The following TMPRSS13 variants were observed in gnomAD, a reference collection of about 807,000 sequenced individuals.
The protein encoded by TMPRSS13 is transmembrane serine protease 13.
Under a neutral mutation model 68.4 loss-of-function variants are expected in TMPRSS13, and 50 were observed. The observed-to-expected ratio is 0.73, with a 90% CI of 0.58 to 0.93. The LOEUF (loss-of-function observed/expected upper bound fraction) is 0.93. TMPRSS13 is among the 40% of genes least tolerant of loss of function. TMPRSS13 has a pLI of 0.00. For synonymous variants in TMPRSS13, 267 were observed against 285.8 expected (o/e 0.93, Z 0.66); for missense variants, 615 against 729.2 (o/e 0.84, Z 1.80).
intron 1 of TMPRSS13, 67 bp from the exon 2 acceptor site, chr11:117,918,905 G>A: frequency 6.3e-7 from 1 of 1,591,908 alleles, no homozygotes. Flanking sequence ...TGTCAGCTGT[G>A]CTGCACTAGG....
In TMPRSS13 at chr11:117,903,285, C is replaced by T. The variant is rs1010844855; in HGVS notation, c.1677+370G>A. Reference sequence around the variant, plus strand: ...GGGAAAGGCCATGAAGAGCGGATTCCCATGCATAAATGCTTGATAACAAAA... The same window carrying T: ...GGGAAAGGCCATGAAGAGCGGATTCTCATGCATAAATGCTTGATAACAAAA... On this transcript the variant is annotated intron_variant, in intron 12 of 12. Coordinates refer to ENST00000524993, the MANE Select transcript of TMPRSS13 (RefSeq NM_001077263.3). 130 of 1,284,924 alleles carry T rather than the reference C, an allele frequency of 1.0e-4. 1 individual carries two copies. The African/African-American group carries it at 1.9e-3, about 19-fold the overall frequency. 79.6% of individuals were successfully genotyped at this position (1,284,924 alleles called of 1,614,324 possible). A position where few individuals can be genotyped will look rare whatever the true frequency, so the allele number is the denominator to read the frequency against.
rs1169111157 is a variant in TMPRSS13, at chr11:117,922,567, A to AC, written c.22-3730dup. 3.3e-5 allele frequency among the ~76,000 whole-genome samples: 5 copies of AC among 152,192 alleles called. No individual in the cohort carries two copies. The highest frequency in any genetic ancestry group is 1.3e-4 in the Admixed American group (2 of 15,288). The stretch of plus-strand genomic sequence containing the variant: ...AAGGTCCCAAGCTACAAGGGGCAGA[A>AC]CCAGGACCAGAACCCAAGCTTCCCA... On this transcript the variant is annotated intron_variant, in intron 1 of 12. Coordinates refer to ENST00000524993, the MANE Select transcript of TMPRSS13 (RefSeq NM_001077263.3). This position sits in a 1 kb window ranked among gnomAD's most constrained non-coding sequence, Gnocchi z 4.2.
At chr11:117,908,177 T>C (rs1349425437) in intron 9 of TMPRSS13, 1 of 637,118 alleles carries the variant, frequency 1.6e-6, no homozygotes, top group Non-Finnish European at 2.2e-6. Flanking sequence ...CAGGTAATTA[T>C]CTCTCTGTAA....
chr11:117,924,109 T>C lies in TMPRSS13; in HGVS notation c.21+5178A>G, dbSNP rs369958474. Among the ~76,000 whole-genome samples, 32 of 149,140 alleles carry C rather than the reference T, an allele frequency of 2.1e-4. No homozygotes were observed. The East Asian group carries it at 6.1e-3, about 28-fold the overall frequency. On this transcript the variant is annotated intron_variant, in intron 1 of 12. Transcript: ENST00000524993. ...CTGTAGTCCCAGCTACTTGGGAGGCTGAGGTGGGAAAATGGCTTGAGGCCA... is the reference window on the plus strand; with the variant it reads ...CTGTAGTCCCAGCTACTTGGGAGGCCGAGGTGGGAAAATGGCTTGAGGCCA...
At chr11:117,925,694 C>A (rs2057698361) in intron 1 of TMPRSS13, among the ~76,000 whole-genome samples, 1 of 152,248 alleles carries the variant, frequency 6.6e-6, no homozygotes, top group Admixed American at 6.5e-5. Context: ...TGGCTTCCCT[C>A]ATGCCTGCAC....
chr11:117,913,966 G>A lies in TMPRSS13; in HGVS notation c.680-60C>T, dbSNP rs1294589300. ...GCACCTAGGAAGCATCAAGCTCTTG[G>A]GGGATGAGCTGAGTGAGGCTTTGAG... On this transcript the variant is annotated intron_variant, in intron 4 of 12. Coordinates refer to ENST00000524993, the MANE Select transcript of TMPRSS13 (RefSeq NM_001077263.3). 8.2e-6 allele frequency: 13 copies of A among 1,583,816 alleles called. No individual in the cohort carries two copies. The South Asian group carries it at 1.4e-4, about 16-fold the overall frequency.
intron 9 of TMPRSS13, among the ~76,000 whole-genome samples, chr11:117,907,164 G>A (rs766803718): frequency 2.0e-5 from 3 of 152,234 alleles, no homozygotes; most frequent in Non-Finnish European, 2.9e-5. Context: ...GCCAAATACA[G>A]CCTGGGTTTG....
chr11:117,923,979 TG>T (rs2057672722), intron 1 of TMPRSS13, among the ~76,000 whole-genome samples: 1 of 151,782 alleles, frequency 6.6e-6, no homozygotes, highest in Non-Finnish European at 1.5e-5. Flanking sequence ...TCCTCAGCCC[TG>T]GGCCATCCCT....
At position 117,903,746 on chromosome 11, in the gene TMPRSS13, G is replaced by A. The variant is rs1001618890; in HGVS notation, c.1586C>T (p.Thr529Ile). 6.2e-7 allele frequency: 1 copy of A among 1,613,176 alleles called. No homozygotes were observed. The highest frequency in any genetic ancestry group is 8.5e-7 in the Non-Finnish European group (1 of 1,179,588). ...CTGGCCACAGCCTGTGCCCCAGCTG[G>A]TGACACCTGCCAGGTACCAGCGGTT... ...QNNRWYLAGV[T>I]SWGTGCGQRN... Residue 529 changes from threonine (T) to isoleucine (I), a missense_variant, in exon 12 of 13, where the codon ACC (threonine) becomes ATC (isoleucine). Transcript: ENST00000524993.
chr11:117,927,970 G>A (rs2057722931), intron 1 of TMPRSS13, among the ~76,000 whole-genome samples: 1 of 152,192 alleles, frequency 6.6e-6, no homozygotes, highest in African/African-American at 2.4e-5. Context: ...GTTGATCCCT[G>A]ACTCTGAAGA....
At chr11:117,923,750 G>A (rs1730724607) in intron 1 of TMPRSS13, among the ~76,000 whole-genome samples, 1 of 149,612 alleles carries the variant, frequency 6.7e-6, no homozygotes, top group Admixed American at 6.7e-5. Flanking sequence ...CGAGTTAATG[G>A]GTGCAGCACA....
In TMPRSS13 at chr11:117,909,850, G is replaced by A. The variant is rs377490191; in HGVS notation, c.1065C>T (p.Leu355=). ...CAGTGAGCACCCACTGGGCGTCAAT[G>A]AGCGTGCCTCCACAGATGTGGGTGG... ...FGTTHICGGT[L]IDAQWVLTAA... is the part of the protein sequence containing the mutation. The change falls in exon 8 of 13, where the codon CTC becomes CTT. Residue 355 remains leucine, a synonymous_variant. Coordinates refer to ENST00000524993, the MANE Select transcript of TMPRSS13 (RefSeq NM_001077263.3). 6.2e-7 allele frequency: 1 copy of A among 1,613,672 alleles called. No homozygotes were observed. Among genetic ancestry groups the A allele is most frequent in the Admixed American group, 1.7e-5 (1 of 60,026 alleles).
In TMPRSS13 at chr11:117,913,883, G is replaced by C. The variant is rs1404722819; in HGVS notation, c.703C>G (p.Leu235Val). 2 of 1,613,994 alleles carry C rather than the reference G, an allele frequency of 1.2e-6. No individual in the cohort carries two copies. The highest frequency in any genetic ancestry group is 1.7e-6 in the Non-Finnish European group (2 of 1,179,996). The change falls in exon 5 of 13, where the codon CTG becomes GTG. Residue 235 changes from leucine (L) to valine (V), a missense_variant. By Grantham distance (32) the Leu-to-Val change is conservative. Coordinates refer to ENST00000524993, the MANE Select transcript of TMPRSS13 (RefSeq NM_001077263.3). Reference protein sequence around the residue: ...GCVRFDWDKSLLKIYSGSSHQ... With the variant: ...GCVRFDWDKSVLKIYSGSSHQ... ...GAGGACCCAGAGTAGATTTTAAGCA[G>C]AGACTTGTCCCAGTCAAACCTCACT...
Position 117,914,148 on chromosome 11 carries a change from T to C in TMPRSS13, c.680-242A>G, listed in dbSNP as rs2057549403. Among the ~76,000 whole-genome samples, 2 of 152,092 alleles carry C rather than the reference T, an allele frequency of 1.3e-5. No homozygotes were observed. On this transcript the variant is annotated intron_variant, in intron 4 of 12. Coordinates refer to ENST00000524993, the MANE Select transcript of TMPRSS13 (RefSeq NM_001077263.3). This position sits in a 1 kb window ranked among gnomAD's most constrained non-coding sequence, Gnocchi z 4.2. The stretch of plus-strand genomic sequence containing the variant: ...TAGAGTGCTACAGACTGATGCAAAC[T>C]GTGTATCAGCTCAAATGGGAGGCAA...
intron 1 of TMPRSS13, among the ~76,000 whole-genome samples, chr11:117,921,082 G>C (rs545015561): frequency 1.3e-5 from 2 of 152,210 alleles, no homozygotes; most frequent in African/African-American, 4.8e-5. Flanking sequence ...CTTTGCAGTT[G>C]GTATGGTTAG....
At chr11:117,924,864 C>G (rs2057688973) in intron 1 of TMPRSS13, among the ~76,000 whole-genome samples, 1 of 152,174 alleles carries the variant, frequency 6.6e-6, no homozygotes, top group Non-Finnish European at 1.5e-5. Flanking sequence ...ACCAGCATCT[C>G]CAGCACACAC....
Position 117,903,812 on chromosome 11 carries a change from A to T in TMPRSS13, c.1525-5T>A. 6.2e-7 allele frequency: 1 copy of T among 1,609,180 alleles called. No individual in the cohort carries two copies. The highest frequency in any genetic ancestry group is 8.5e-7 in the Non-Finnish European group (1 of 1,177,874). On this transcript the variant is annotated splice_region_variant and splice_polypyrimidine_tract_variant and intron_variant, in intron 11 of 12. Coordinates refer to ENST00000524993, the MANE Select transcript of TMPRSS13 (RefSeq NM_001077263.3). ...AAGAGGCCCCCCGCTGTCTCCCTGC[A>T]GGGGAGAGGGGGCACATTCGCAGGA...
At chr11:117,928,992 G>C (rs958488054) in intron 1 of TMPRSS13, among the ~76,000 whole-genome samples, 2 of 152,148 alleles carry the variant, frequency 1.3e-5, no homozygotes, top group African/African-American at 4.8e-5. Context: ...ATGGATGCCC[G>C]GCAGGAGTGC....
chr11:117,918,697 A>G lies in TMPRSS13; in HGVS notation c.163T>C (p.Ser55Pro). The change falls in exon 2 of 13, where the codon TCT (serine) becomes CCT (proline). Residue 55 changes from serine to proline, a missense_variant. Ser to Pro is a moderately conservative substitution (Grantham distance 74, BLOSUM62 -1). Transcript: ENST00000524993. ...CCAGCTGGAGATGCCTGGGCTGGAG[A>G]TGCCCGGCCCGGAGGTGTCCCAGCT... ...SPAGTPPGRA[S>P]PAQASPAGTP... 4 of 1,604,366 alleles carry G rather than the reference A, an allele frequency of 2.5e-6. No homozygotes were observed. In the South Asian group the frequency reaches 4.4e-5, roughly 18 times the overall value.
Sources: gnomAD v4.1 joint callset for allele counts (sites outside exome capture counted in the v4.1 genomes callset) on GRCh38, gnomAD v4.1.1 for gene constraint, Gnocchi (gnomAD v3.1) non-coding constraint, MANE v1.5 for transcripts, NCBI Gene and HGNC (gene_info 2026-07-23, HGNC 2026-07-21) for gene names.